NFAT5: variants seen among roughly 807,000 people sequenced by gnomAD.
The protein encoded by NFAT5 is nuclear factor of activated T cells 5, also known as nuclear factor of activated T-cells 5.
NFAT5 carries 31 observed loss-of-function variants against 166.5 expected under a neutral mutation model. That is an observed-to-expected ratio of 0.19 (90% CI 0.14 to 0.25). The LOEUF (loss-of-function observed/expected upper bound fraction) is 0.25, where lower values mean the gene tolerates loss of function less well. NFAT5 is among the 10% of genes least tolerant of loss of function. The pLI is 1.00. For synonymous variants in NFAT5, 612 were observed against 639.7 expected, an observed-to-expected ratio of 0.96 and a Z score of 0.65; for missense variants, 1,449 against 1,821.8, an observed-to-expected ratio of 0.80 and a Z score of 3.72.
chr16:69,629,476 C>T (rs1003132365), intron 3 of NFAT5, among the ~76,000 whole-genome samples: 2 of 152,202 alleles, frequency 1.3e-5, no homozygotes, highest in East Asian at 3.9e-4. Context: ...TATGCACTCC[C>T]ATCAATAATA....
intron 3 of NFAT5, among the ~76,000 whole-genome samples, chr16:69,635,611 G>T (rs2034930083): frequency 6.6e-6 from 1 of 152,136 alleles, no homozygotes; most frequent in South Asian, 2.1e-4. Context: ...CATGGCTAGG[G>T]AGGCCTCAGA....
In NFAT5 at chr16:69,616,117, A is replaced by G. The variant is rs1369563874; in HGVS notation, c.128-10286A>G. Reference sequence around the variant, plus strand: ...TCCAACACCCCATGCCAGGCTGCCTATCTACGGAAATGCCCTCTTTAGTCA... The same window carrying G: ...TCCAACACCCCATGCCAGGCTGCCTGTCTACGGAAATGCCCTCTTTAGTCA... On this transcript the variant is annotated intron_variant, in intron 2 of 14. Transcript: ENST00000349945. 4.6e-5 allele frequency among the ~76,000 whole-genome samples: 7 copies of G among 152,046 alleles called. No individual in the cohort carries two copies. The East Asian group carries it at 7.7e-4, about 17-fold the overall frequency.
chr16:69,618,777 AT>A, intron 2 of NFAT5, among the ~76,000 whole-genome samples: 1 of 152,296 alleles, frequency 6.6e-6, no homozygotes, highest in Admixed American at 6.5e-5. Flanking sequence ...TTAAAAAAAG[AT>A]TAAAATGTTT....
intron 2 of NFAT5, among the ~76,000 whole-genome samples, chr16:69,619,266 G>T (rs2034094307): frequency 6.6e-6 from 1 of 152,166 alleles, no homozygotes; most frequent in Admixed American, 6.5e-5. Context: ...TTCTTTTCAA[G>T]AGATCAACTT....
intron 4 of NFAT5, among the ~76,000 whole-genome samples, chr16:69,649,942 G>C (rs1205179697): frequency 6.6e-6 from 1 of 151,496 alleles, no homozygotes; most frequent in Non-Finnish European, 1.5e-5. Flanking sequence ...TAAGATGTTA[G>C]AGTCTAATAA....
chr16:69,693,436 C>G lies in NFAT5; in HGVS notation c.3611C>G (p.Ala1204Gly). The G allele has an allele frequency of 6.2e-7, 1 of 1,614,188 alleles. No homozygotes were observed. Among genetic ancestry groups the G allele is most frequent in the Non-Finnish European group, 8.5e-7 (1 of 1,180,034 alleles). ...CAACAAGCTGCTTTCCAACAGCAAGCTCCAATATCACACATCCAGACTCCT... is the reference window on the plus strand; with the variant it reads ...CAACAAGCTGCTTTCCAACAGCAAGGTCCAATATCACACATCCAGACTCCT... ...SEQQAAFQQQ[A>G]PISHIQTPML... Residue 1204 changes from alanine (A) to glycine (G), a missense_variant, in exon 13 of 15, where the codon GCT becomes GGT. Around this residue, in one of 7 missense-constraint regions of NFAT5, gnomAD observed 891 missense variants for 993.0 expected, o/e 0.90. Transcript: ENST00000349945.
chr16:69,698,121 C>A lies in NFAT5; in HGVS notation c.*1770C>A, dbSNP rs889654251. ...CATGTTTTCTTCCCTCCACCTCCAC[C>A]CCTTTCTTTCTTTCTCTCTCTGATT... On this transcript the variant is annotated 3_prime_UTR_variant, in exon 15 of 15. Transcript: ENST00000349945. 1 of 152,154 alleles carries A rather than the reference C, an allele frequency of 6.6e-6. No individual in the cohort carries two copies. The highest frequency in any genetic ancestry group is 2.4e-5 in the African/African-American group (1 of 41,374). The allele number at this position is 152,154 out of a possible 1,614,324, so 9.4% of individuals were successfully genotyped here. A position where few individuals can be genotyped will look rare whatever the true frequency, so the allele number is the denominator to read the frequency against.
intron 2 of NFAT5, among the ~76,000 whole-genome samples, chr16:69,594,785 G>C (rs1274005090): frequency 6.6e-6 from 1 of 152,104 alleles, no homozygotes; most frequent in African/African-American, 2.4e-5. Flanking sequence ...TATATCTACA[G>C]GGGAGCTTAT....
chr16:69,694,067 T>A lies in NFAT5; in HGVS notation c.4242T>A (p.Ser1414=), dbSNP rs758270542. Residue 1414 remains serine (S), a synonymous_variant, in exon 13 of 15, where the codon TCT becomes TCA. Coordinates refer to ENST00000349945, the MANE Select transcript of NFAT5 (RefSeq NM_138713.4). ...TAAATCAACAAGATATGCAACAGTC[T>A]CCTCTTTATTCCCCTCAGAACAACA... ...TSINQQDMQQ[S]PLYSPQNNMP... 5 of 1,614,108 alleles carry A rather than the reference T, an allele frequency of 3.1e-6. 1 individual carries two copies. The South Asian group carries it at 5.5e-5, about 18-fold the overall frequency.
rs772941967 is a variant in NFAT5, at chr16:69,566,420, G to A, written c.73+46G>A. 3 of 1,369,706 alleles carry A rather than the reference G, an allele frequency of 2.2e-6. No individual in the cohort carries two copies. Among genetic ancestry groups the A allele is most frequent in the Non-Finnish European group, 2.0e-6 (2 of 981,254 alleles). The allele number at this position is 1,369,706 out of a possible 1,614,324, so 84.8% of individuals were successfully genotyped here. ...TGGGGCGTGGGGGCGGGGAGACAGG[G>A]AGACAGGGAGACAGGGCCAGGGGAG... On this transcript the variant is annotated intron_variant, in intron 1 of 14. Coordinates refer to ENST00000349945, the MANE Select transcript of NFAT5 (RefSeq NM_138713.4). The surrounding 1 kb of genome is among the most constrained non-coding windows in gnomAD (Gnocchi z 5.7).
chr16:69,661,499 A>G (rs1237873939), intron 7 of NFAT5, among the ~76,000 whole-genome samples: 1 of 137,884 alleles, frequency 7.3e-6, no homozygotes, highest in Non-Finnish European at 1.5e-5. Flanking sequence ...AGCTATGATC[A>G]CACCACTGCA....
intron 3 of NFAT5, among the ~76,000 whole-genome samples, chr16:69,638,049 GC>G (rs985936078): frequency 6.6e-6 from 1 of 151,772 alleles, no homozygotes; most frequent in Non-Finnish European, 1.5e-5. Context: ...TGAAACCCTG[GC>G]TCTACTAAAA....
chr16:69,574,722 G>A (rs2016640297), intron 2 of NFAT5, among the ~76,000 whole-genome samples: 1 of 151,296 alleles, frequency 6.6e-6, no homozygotes, highest in Admixed American at 6.6e-5. Flanking sequence ...AGGCTGGAGT[G>A]CAGTGGCACA....
At chr16:69,649,501 AC>A in intron 4 of NFAT5, 1 of 983,800 alleles carries the variant, frequency 1.0e-6, no homozygotes, top group South Asian at 4.7e-5. Context: ...GTCAAGACAG[AC>A]TCTTTCATGA....
At chr16:69,677,870 A>G (rs1039039713) in intron 10 of NFAT5, among the ~76,000 whole-genome samples, 1 of 152,166 alleles carries the variant, frequency 6.6e-6, no homozygotes, top group Admixed American at 6.5e-5. Flanking sequence ...ACGATATTTT[A>G]GGCTGGGTGC....
chr16:69,585,667 G>A (rs529301552), intron 2 of NFAT5, among the ~76,000 whole-genome samples: 1 of 152,276 alleles, frequency 6.6e-6, no homozygotes, highest in East Asian at 1.9e-4. Context: ...ATGAAGTTCT[G>A]TTACATGCCA....
At chr16:69,622,382 C>T (rs1260290040) in intron 2 of NFAT5, among the ~76,000 whole-genome samples, 1 of 152,134 alleles carries the variant, frequency 6.6e-6, no homozygotes, top group Non-Finnish European at 1.5e-5. Context: ...CTTTTATTTC[C>T]AAACACTTGA....
At position 69,692,078 on chromosome 16, in the gene NFAT5, A is replaced by G. The variant is rs2037570552; in HGVS notation, c.2253A>G (p.Gln751=). 25 of 1,614,026 alleles carry G rather than the reference A, an allele frequency of 1.5e-5. No homozygotes were observed. Among genetic ancestry groups the G allele is most frequent in the East Asian group, 2.2e-5 (1 of 44,900 alleles). The change falls in exon 13 of 15, where the codon CAA becomes CAG. Residue 751 remains glutamine (Q), a synonymous_variant. Coordinates refer to ENST00000349945, the MANE Select transcript of NFAT5 (RefSeq NM_138713.4). ...ATGGTACAGTGGTTAATTTGTCACA[A>G]CTGACTGAGGCATCACAACAACAGC... The part of the protein sequence containing the change: ...QSDGTVVNLS[Q]LTEASQQQQQ...
rs1027453602 is a variant in NFAT5, at chr16:69,698,854, C to T, written c.*2503C>T. On this transcript the variant is annotated 3_prime_UTR_variant, in exon 15 of 15. Coordinates refer to ENST00000349945, the MANE Select transcript of NFAT5 (RefSeq NM_138713.4). ...TGTTTGTAATTTTAATAACATTTTT[C>T]CCATCTTGTAATATCCAGAGCTACT... 6.6e-6 allele frequency: 1 copy of T among 152,476 alleles called. No homozygotes were observed. Among genetic ancestry groups the T allele is most frequent in the Admixed American group, 6.5e-5 (1 of 15,270 alleles). 9.4% of individuals were successfully genotyped at this position (152,476 alleles called of 1,614,324 possible).
Sources: allele counts gnomAD v4.1 joint callset (sites outside exome capture counted in the v4.1 genomes callset), GRCh38; gene constraint gnomAD v4.1.1; regional missense constraint gnomAD v4.1.1; non-coding constraint Gnocchi (gnomAD v3.1); transcripts MANE v1.5; gene names NCBI Gene and HGNC (gene_info 2026-07-23, HGNC 2026-07-21).